The following PRDM2 variants were observed in gnomAD, a reference collection of about 807,000 sequenced individuals.
PRDM2 encodes the protein PR/SET domain 2, also known as PR domain zinc finger protein 2.
In PRDM2, 30 loss-of-function variants were observed where a neutral mutation model predicts 130.0. The observed-to-expected ratio is 0.23, with a 90% CI of 0.17 to 0.31. The LOEUF is 0.31. Among genes scored for constraint, PRDM2 ranks in the 10% least tolerant of loss-of-function variants. The probability of loss-of-function intolerance (pLI) is 1.00; values close to 1 mark genes in which losing one functional copy is unlikely to be tolerated. For missense variants in PRDM2, 2,011 were observed against 2,108.4 expected (o/e 0.95, Z 0.90); for synonymous variants, 871 against 782.4 (o/e 1.11, Z -1.89).
intron 1 of PRDM2, among the ~76,000 whole-genome samples, chr1:13,703,380 C>T (rs544696704): frequency 1.3e-5 from 2 of 152,164 alleles, no homozygotes; most frequent in South Asian, 2.1e-4. Context: ...GCACTTGAAC[C>T]GCTGCAGTGA....
intron 8 of PRDM2, among the ~76,000 whole-genome samples, chr1:13,807,186 T>C (rs769450248): frequency 1.3e-5 from 2 of 152,210 alleles, no homozygotes; most frequent in Non-Finnish European, 2.9e-5. Context: ...GAAATGAGTA[T>C]CTTTCCTCTC....
intron 2 of PRDM2, among the ~76,000 whole-genome samples, chr1:13,722,431 A>G (rs1642759408): frequency 6.6e-6 from 1 of 152,158 alleles, no homozygotes; most frequent in African/African-American, 2.4e-5. Context: ...GTGTGCCAGG[A>G]ACCCAGATGC....
At chr1:13,711,566 C>G (rs533877140) in intron 1 of PRDM2, among the ~76,000 whole-genome samples, 1 of 152,204 alleles carries the variant, frequency 6.6e-6, no homozygotes, top group Non-Finnish European at 1.5e-5. Context: ...AGGAGTTGGC[C>G]AGTCCAAAAT....
At chr1:13,721,736 CTTATG>C (rs1642735322) in intron 2 of PRDM2, among the ~76,000 whole-genome samples, 1 of 152,200 alleles carries the variant, frequency 6.6e-6, no homozygotes. Flanking sequence ...AGCCTTTCCT[CTTATG>C]TTAGGATAGT....
chr1:13,750,466 C>G (rs1198372986), intron 6 of PRDM2, among the ~76,000 whole-genome samples: 1 of 151,864 alleles, frequency 6.6e-6, no homozygotes, highest in East Asian at 1.9e-4. Context: ...CGAGTCCATC[C>G]TTTATCCAGA....
intron 6 of PRDM2, among the ~76,000 whole-genome samples, chr1:13,751,742 CAG>C (rs905003387): frequency 2.6e-5 from 4 of 152,120 alleles, no homozygotes; most frequent in Admixed American, 6.5e-5. Context: ...CGTTATGAGA[CAG>C]AGAGAAAAAC....
chr1:13,763,941 T>TA (rs1644164050), intron 6 of PRDM2, among the ~76,000 whole-genome samples: 1 of 152,232 alleles, frequency 6.6e-6, no homozygotes, highest in Non-Finnish European at 1.5e-5. Context: ...CCATTGTTCA[T>TA]ATGGGCATTT....
intron 7 of PRDM2, among the ~76,000 whole-genome samples, chr1:13,774,504 C>CT (rs1644428154): frequency 6.6e-6 from 1 of 152,186 alleles, no homozygotes; most frequent in East Asian, 1.9e-4. Context: ...AGTCTTAAGA[C>CT]TAAGTTCTGC....
chr1:13,810,007 G>T (rs1421284412), intron 8 of PRDM2, among the ~76,000 whole-genome samples: 1 of 151,906 alleles, frequency 6.6e-6, no homozygotes, highest in African/African-American at 2.4e-5. Flanking sequence ...TTCTTACAAG[G>T]CACAAGCACT....
At position 13,787,218 on chromosome 1, in the gene PRDM2, A is replaced by G. The variant is rs188336557; in HGVS notation, c.5036+4387A>G. ...TCTTATCTGGCACTAATTTATAACT[A>G]TTATATTATCAGAGACTATGTAGCA... On this transcript the variant is annotated intron_variant, in intron 8 of 9. Coordinates refer to ENST00000311066, the MANE Select transcript of PRDM2 (RefSeq NM_001393986.1). The G allele has an allele frequency of 5.1e-6, 5 of 983,844 alleles. No individual in the cohort carries two copies. In the African/African-American group the frequency reaches 7.0e-5, roughly 14 times the overall value. The allele number at this position is 983,844 out of a possible 1,614,324, so 60.9% of individuals were successfully genotyped here.
At chr1:13,774,665 C>T (rs1644431771) in intron 7 of PRDM2, among the ~76,000 whole-genome samples, 1 of 152,174 alleles carries the variant, frequency 6.6e-6, no homozygotes, top group Admixed American at 6.5e-5. Context: ...CCTGACACAA[C>T]ATCAGGTCCC....
chr1:13,709,563 C>T (rs1642307287), intron 1 of PRDM2, among the ~76,000 whole-genome samples: 1 of 152,136 alleles, frequency 6.6e-6, no homozygotes, highest in Non-Finnish European at 1.5e-5. Flanking sequence ...AAAGCTGCAT[C>T]ATCTCTGTAT....
At position 13,779,293 on chromosome 1, in the gene PRDM2, C is replaced by T. The variant is rs1286941974; in HGVS notation, c.1498C>T (p.Arg500Trp). The T allele has an allele frequency of 3.1e-6, 5 of 1,613,790 alleles. No individual in the cohort carries two copies. Among genetic ancestry groups the T allele is most frequent in the South Asian group, 1.1e-5 (1 of 91,068 alleles). The change falls in exon 8 of 10, where the codon CGG (arginine) becomes TGG (tryptophan). Residue 500 changes from arginine (R) to tryptophan (W), a missense_variant. By Grantham distance (101) the Arg-to-Trp change is moderately radical. Transcript: ENST00000311066. The surrounding 1 kb of genome is among the most constrained non-coding windows in gnomAD (Gnocchi z 4.9). ...KVFGTHTNMR[R>W]HQRRVHERHL... The stretch of plus-strand genomic sequence containing the variant: ...TTTTGGAACTCATACTAATATGAGA[C>T]GGCATCAGCGTAGAGTTCACGAACG...
chr1:13,743,223 C>T (rs1287143626), intron 5 of PRDM2, among the ~76,000 whole-genome samples: 1 of 151,856 alleles, frequency 6.6e-6, no homozygotes, highest in Non-Finnish European at 1.5e-5. Flanking sequence ...CATGGTGAAA[C>T]CCCGTCTCTA....
At chr1:13,812,419 A>C (rs1230599906) in intron 8 of PRDM2, among the ~76,000 whole-genome samples, 1 of 152,242 alleles carries the variant, frequency 6.6e-6, no homozygotes, top group Non-Finnish European at 1.5e-5. Context: ...TCTATGGCCA[A>C]TCCGAAGCAG....
At chr1:13,786,559 G>T in intron 8 of PRDM2, 1 of 1,606,906 alleles carries the variant, frequency 6.2e-7, no homozygotes, top group Non-Finnish European at 8.5e-7. Context: ...AACCTTAATT[G>T]ACTAAAAAGT....
chr1:13,726,736 A>T (rs148756615), intron 2 of PRDM2, among the ~76,000 whole-genome samples: 1 of 152,210 alleles, frequency 6.6e-6, no homozygotes, highest in African/African-American at 2.4e-5. Context: ...TCATTGATAC[A>T]TGTTTAAAGA....
chr1:13,780,661 C>T lies in PRDM2; in HGVS notation c.2866C>T (p.Leu956Phe), dbSNP rs141757171. ...ATCACCTGCCCTGCAGACACCCTCC[C>T]TTTCATCCGGTCAGCTGCCTCCTCT... ...PSSPALQTPS[L>F]SSGQLPPLLI... Residue 956 changes from leucine to phenylalanine, a missense_variant, in exon 8 of 10, where the codon CTT (leucine) becomes TTT (phenylalanine). Around this residue, in one of 5 missense-constraint regions of PRDM2, gnomAD observed 1,288 missense variants for 1,237.7 expected, o/e 1.04. Transcript: ENST00000311066. 6.2e-6 allele frequency: 10 copies of T among 1,612,300 alleles called. No homozygotes were observed. The African/African-American group carries it at 1.3e-4, about 22-fold the overall frequency.
At chr1:13,746,859 A>G (rs1643627247) in intron 5 of PRDM2, among the ~76,000 whole-genome samples, 1 of 152,182 alleles carries the variant, frequency 6.6e-6, no homozygotes, top group Non-Finnish European at 1.5e-5. Context: ...GCCCGCTAAT[A>G]ATTTTGAAGG....
Sources: allele counts gnomAD v4.1 joint callset (sites outside exome capture counted in the v4.1 genomes callset), GRCh38; gene constraint gnomAD v4.1.1; regional missense constraint gnomAD v4.1.1; non-coding constraint Gnocchi (gnomAD v3.1); transcripts MANE v1.5; gene names NCBI Gene and HGNC (gene_info 2026-07-23, HGNC 2026-07-21).